The following NOSTRIN variants were observed in gnomAD, a reference collection of about 807,000 sequenced individuals.
The protein encoded by NOSTRIN is BM247 homolog.
Under a neutral mutation model 59.0 loss-of-function variants are expected in NOSTRIN, and 63 were observed. The observed-to-expected ratio is 1.07, with a 90% confidence interval of 0.87 to 1.32. NOSTRIN has a LOEUF of 1.32. Ranked by LOEUF, NOSTRIN falls within the 40% of genes most tolerant of loss-of-function variation. The pLI is 0.00. For synonymous variants in NOSTRIN, 200 were observed against 165.4 expected (o/e 1.21, Z -1.61); for missense variants, 512 against 473.1 (o/e 1.08, Z -0.76).
Position 168,843,124 on chromosome 2 carries a change from T to G in NOSTRIN, c.630+7T>G. On this transcript the variant is annotated splice_region_variant and intron_variant, in intron 8 of 15. Transcript: ENST00000317647. Reference sequence around the variant, plus strand: ...ACTAGAGAACTGCTACCAGGTAAGTTATATATTCACATTTTTTTCTTCTTC... The same window carrying G: ...ACTAGAGAACTGCTACCAGGTAAGTGATATATTCACATTTTTTTCTTCTTC... 1 of 861,642 alleles carries G rather than the reference T, an allele frequency of 1.2e-6. No individual in the cohort carries two copies. The highest frequency in any genetic ancestry group is 2.4e-5 in the East Asian group (1 of 41,582). The allele number at this position is 861,642 out of a possible 1,614,324, so 53.4% of individuals were successfully genotyped here.
At position 168,859,589 on chromosome 2, in the gene NOSTRIN, T is replaced by G. The variant is rs766727820; in HGVS notation, c.1131T>G (p.Pro377=). ...TGTTAGCAGAACTTGAGCAAAGACC[T>G]CAACCCAGCCATCCTTGTAGTAATT... is the stretch of plus-strand genomic sequence containing the variant. ...SSMLAELEQR[P]QPSHPCSNSI... Residue 377 remains proline, a synonymous_variant, in exon 13 of 16, where the codon CCT becomes CCG. Coordinates refer to ENST00000317647, the MANE Select transcript of NOSTRIN (RefSeq NM_001039724.4). The G allele has an allele frequency of 6.2e-7, 1 of 1,614,118 alleles. No homozygotes were observed. The highest frequency in any genetic ancestry group is 8.5e-7 in the Non-Finnish European group (1 of 1,179,984).
intron 15 of NOSTRIN, among the ~76,000 whole-genome samples, chr2:168,864,268 T>C (rs1015712980): frequency 4.0e-5 from 5 of 124,856 alleles, no homozygotes; most frequent in Admixed American, 8.4e-5. Flanking sequence ...TCAGCCACCG[T>C]GCCTGGCTGT....
chr2:168,862,133 C>CT, intron 15 of NOSTRIN, 84 bp downstream of exon 15: 1 of 1,217,612 alleles, frequency 8.2e-7, no homozygotes, highest in Non-Finnish European at 1.2e-6. Context: ...GTGTGGCAGC[C>CT]TTAAGAGTTA....
At chr2:168,857,254 T>C (rs566280516) in intron 12 of NOSTRIN, among the ~76,000 whole-genome samples, 2 of 152,344 alleles carry the variant, frequency 1.3e-5, no homozygotes, top group Non-Finnish European at 1.5e-5. Context: ...AGCACAATGC[T>C]CACAGGAGGA....
Position 168,856,739 on chromosome 2 carries a change from T to C in NOSTRIN, c.1014T>C (p.Asp338=). The change falls in exon 12 of 16, where the codon GAT becomes GAC. Residue 338 remains aspartate (D), a synonymous_variant. Transcript: ENST00000317647. ...ACTCCAGCACCTCCTCCTTCTCTGA[T>C]GCAAAGAGCCAGAAAGACACAGCAG... is the stretch of plus-strand genomic sequence containing the variant. ...KTYSSTSSFS[D]AKSQKDTAAL... 6.2e-7 allele frequency: 1 copy of C among 1,614,146 alleles called. No homozygotes were observed. Among genetic ancestry groups the C allele is most frequent in the Non-Finnish European group, 8.5e-7 (1 of 1,180,010 alleles).
In NOSTRIN at chr2:168,834,081, A is replaced by G. The variant is rs1394634182; in HGVS notation, c.406-146A>G. 8.8e-6 allele frequency: 5 copies of G among 567,062 alleles called. No individual in the cohort carries two copies. In the Admixed American group the frequency reaches 1.6e-4, roughly 18 times the overall value. The allele number at this position is 567,062 out of a possible 1,614,324, so 35.1% of individuals were successfully genotyped here. A position where few individuals can be genotyped will look rare whatever the true frequency, so the allele number is the denominator to read the frequency against. On this transcript the variant is annotated intron_variant, in intron 6 of 15. Transcript: ENST00000317647. ...GATGGGAATGAAGAACTAAAAGTAC[A>G]CATTTTTGTTTCAGCCTTTGGAGGA...
intron 2 of NOSTRIN, among the ~76,000 whole-genome samples, chr2:168,815,745 C>T (rs1686363369): frequency 6.6e-6 from 1 of 152,208 alleles, no homozygotes; most frequent in Non-Finnish European, 1.5e-5. Flanking sequence ...GTACTAGGAA[C>T]ATGTCTAAAC....
rs774737033 is a variant in NOSTRIN at position 168,831,496 on chromosome 2, GC to G, written c.368del (p.Ala123GlufsTer18). On this transcript the variant is annotated frameshift_variant, in exon 6 of 16. Transcript: ENST00000317647. LOFTEE classifies it high-confidence loss of function. ...GCTTGACAATGAAGTTGAAAAGACA[GC>G]AAATCTTGTCATTAGCAACTGGAAT... is the stretch of plus-strand genomic sequence containing the variant. ...KSLDNEVEKT[A>X]NLVISNWNQQ... 9.2e-6 allele frequency: 8 copies of G among 866,886 alleles called. No homozygotes were observed. The highest frequency in any genetic ancestry group is 1.6e-5 in the Non-Finnish European group (8 of 496,756). 53.7% of individuals were successfully genotyped at this position (866,886 alleles called of 1,614,324 possible). A position where few individuals can be genotyped will look rare whatever the true frequency, so the allele number is the denominator to read the frequency against.
At chr2:168,841,235 CAAAAAA>C (rs57480764) in intron 7 of NOSTRIN, among the ~76,000 whole-genome samples, 1,389 of 106,392 alleles carry the variant, frequency 0.013, 10 homozygotes, top group African/African-American at 0.02. Context: ...ACCCTGTCTC[CAAAAAA>C]AAAAAAAAAA....
At chr2:168,788,473 T>C (rs1685261957) in intron 2 of NOSTRIN, among the ~76,000 whole-genome samples, 1 of 151,962 alleles carries the variant, frequency 6.6e-6, no homozygotes. Context: ...GGCAGAATCG[T>C]AGCCCAAGGT....
At chr2:168,856,539 C>A in intron 11 of NOSTRIN, 151 bp from the exon 12 acceptor site, 2 of 636,134 alleles carry the variant, frequency 3.1e-6, no homozygotes, top group East Asian at 2.8e-5. Context: ...CGCGCCACTG[C>A]ACTCCAGCCT....
intron 7 of NOSTRIN, 78 bp downstream of exon 7, chr2:168,834,403 A>G: frequency 2.6e-6 from 2 of 757,672 alleles, no homozygotes; most frequent in Non-Finnish European, 4.7e-6. Flanking sequence ...AACACAAGAG[A>G]ACGGGTTGAT....
intron 4 of NOSTRIN, 58 bp downstream of exon 4, chr2:168,828,278 G>A (rs1559118083): frequency 2.3e-6 from 2 of 871,976 alleles, no homozygotes; most frequent in Non-Finnish European, 4.0e-6. Context: ...TATTTAAAGT[G>A]GGTTTGCTAC....
chr2:168,801,399 T>A (rs1280450668), upstream of NOSTRIN, among the ~76,000 whole-genome samples: 1 of 149,518 alleles, frequency 6.7e-6, no homozygotes, highest in Non-Finnish European at 1.5e-5. Flanking sequence ...AAAAAAAAAA[T>A]TATAGAGATA....
chr2:168,789,483 G>A (rs139676324), intron 2 of NOSTRIN, among the ~76,000 whole-genome samples: 67 of 152,278 alleles, frequency 4.4e-4, no homozygotes, highest in African/African-American at 1.5e-3. Context: ...AACAGCACAA[G>A]AAGCACCTGC....
At chr2:168,799,237 C>G (rs922575175), upstream of NOSTRIN, among the ~76,000 whole-genome samples, 1 of 152,152 alleles carries the variant, frequency 6.6e-6, no homozygotes, top group Non-Finnish European at 1.5e-5. Flanking sequence ...CAAGCTTGGC[C>G]CAAGTAAATG....
At chr2:168,859,364 T>C (rs1574340083) in intron 12 of NOSTRIN, 148 bp from the exon 13 acceptor site, 1 of 1,236,678 alleles carries the variant, frequency 8.1e-7, no homozygotes, top group Admixed American at 2.8e-5. Context: ...TCCATTTTTT[T>C]TTCCTTCGGC....
At chr2:168,811,804 T>C in intron 2 of NOSTRIN, 152 bp downstream of exon 2, 1 of 472,330 alleles carries the variant, frequency 2.1e-6, no homozygotes, top group Non-Finnish European at 3.7e-6. Flanking sequence ...TTCTCCCCTA[T>C]TGCACATTTA....
At chr2:168,855,130 G>A (rs933627762) in intron 10 of NOSTRIN, among the ~76,000 whole-genome samples, 6 of 152,140 alleles carry the variant, frequency 3.9e-5, no homozygotes, top group African/African-American at 9.7e-5. Context: ...AAAAGTGCTC[G>A]GCCATGTGAC....
Sources: allele counts gnomAD v4.1 joint callset (sites outside exome capture counted in the v4.1 genomes callset), GRCh38; gene constraint gnomAD v4.1.1; transcripts MANE v1.5; gene names NCBI Gene and HGNC (gene_info 2026-07-23, HGNC 2026-07-21).